The following TBCE variants were observed in gnomAD, a reference collection of about 807,000 sequenced individuals.
The protein encoded by TBCE is tubulin folding cofactor E.
Under a neutral mutation model 77.0 loss-of-function variants are expected in TBCE, and 53 were observed. The observed-to-expected ratio is 0.69, with a 90% confidence interval of 0.55 to 0.87. The LOEUF (loss-of-function observed/expected upper bound fraction) is 0.87. Among genes scored for constraint, TBCE ranks in the 40% least tolerant of loss-of-function variants. The pLI, the probability that TBCE is intolerant of heterozygous loss-of-function variation, is 0.00. For missense variants in TBCE, 624 were observed against 622.4 expected (o/e 1.00, Z -0.03); for synonymous variants, 235 against 241.3 (o/e 0.97, Z 0.24).
rs774044902 is a variant in TBCE, at chr1:235,438,855, T to C, written c.1203T>C (p.Asp401=). 3.7e-6 allele frequency: 6 copies of C among 1,613,902 alleles called. No individual in the cohort carries two copies. The East Asian group carries it at 1.3e-4, about 36-fold the overall frequency. ...GGAAACAGGCTGGTGGACATAAGGA[T>C]CCGGAAAAAAACAGACTCAGCGAAG... ...NEWKQAGGHK[D]PEKNRLSEEF... is the part of the protein sequence containing the mutation. The change falls in exon 13 of 17, where the codon GAT becomes GAC. Residue 401 remains aspartate, a synonymous_variant. Transcript: ENST00000642610.
chr1:235,412,171 TCC>T (rs1558370755), intron 3 of TBCE, among the ~76,000 whole-genome samples: 4 of 278 alleles, frequency 0.014, no homozygotes, highest in South Asian at 0.1. Context: ...CCTTCCCCCC[TCC>T]CCTCCCCTCC....
chr1:235,437,399 G>A lies in TBCE; in HGVS notation c.1041G>A (p.Glu347=), dbSNP rs1481241688. The change falls in exon 12 of 17, where the codon GAG becomes GAA. Residue 347 remains glutamate (E), a synonymous_variant. Transcript: ENST00000642610. ...GCCTAAGAAACCCCCTGACCAAAGA[G>A]GACAAAGAAGCAGAGACGGCGCGAC... is the stretch of plus-strand genomic sequence containing the variant. ...LSCLRNPLTK[E]DKEAETARLL... is the part of the protein sequence containing the mutation. 2.5e-6 allele frequency: 4 copies of A among 1,614,036 alleles called. No homozygotes were observed. The highest frequency in any genetic ancestry group is 3.4e-6 in the Non-Finnish European group (4 of 1,180,052).
chr1:235,443,489 G>A (rs1489096435), intron 15 of TBCE, among the ~76,000 whole-genome samples: 4 of 152,154 alleles, frequency 2.6e-5, no homozygotes, highest in African/African-American at 9.7e-5. Flanking sequence ...ACAGGCATGA[G>A]CCACTGCAGT....
intron 7 of TBCE, 187 bp from the exon 8 acceptor site, chr1:235,434,017 C>G (rs2102919679): frequency 1.6e-6 from 1 of 633,760 alleles, no homozygotes; most frequent in South Asian, 1.8e-5. Flanking sequence ...TTAAAATGCA[C>G]CCCCTTAACA....
chr1:235,440,184 A>T (rs940181206), intron 13 of TBCE, among the ~76,000 whole-genome samples: 1 of 151,710 alleles, frequency 6.6e-6, no homozygotes, highest in Non-Finnish European at 1.5e-5. Flanking sequence ...GTTAGCCAGG[A>T]TGGTCTCGAT....
intron 2 of TBCE, among the ~76,000 whole-genome samples, chr1:235,384,911 G>T (rs948826369): frequency 4.0e-5 from 6 of 151,250 alleles, no homozygotes; most frequent in African/African-American, 1.5e-4. Context: ...TGATGTTAGG[G>T]TGTCAATTTT....
intron 5 of TBCE, among the ~76,000 whole-genome samples, chr1:235,422,793 C>A (rs1196458637): frequency 1.3e-5 from 2 of 152,196 alleles, no homozygotes; most frequent in East Asian, 3.9e-4. Context: ...CGCGCCATTG[C>A]ACTCCAGCCT....
chr1:235,395,695 C>T (rs182025120), intron 2 of TBCE, among the ~76,000 whole-genome samples: 7 of 152,020 alleles, frequency 4.6e-5, no homozygotes, highest in African/African-American at 1.4e-4. Context: ...CAGGTGTGCA[C>T]CACCACACCT....
chr1:235,378,857 T>C (rs1677452449), intron 1 of TBCE, among the ~76,000 whole-genome samples: 2 of 151,916 alleles, frequency 1.3e-5, no homozygotes, highest in South Asian at 4.2e-4. Context: ...CGAGACTCTG[T>C]CTCAAGAAAA....
chr1:235,436,879 G>A (rs1386061557), intron 11 of TBCE, among the ~76,000 whole-genome samples: 1 of 152,086 alleles, frequency 6.6e-6, no homozygotes, highest in African/African-American at 2.4e-5. Context: ...AGCACTTTGG[G>A]AGGTCGAGGC....
intron 2 of TBCE, among the ~76,000 whole-genome samples, chr1:235,384,246 A>G (rs1159497309): frequency 2.3e-5 from 3 of 129,084 alleles, no homozygotes; most frequent in African/African-American, 2.9e-5. Context: ...TTTTGCATCA[A>G]TGTTCATCAA....
At chr1:235,444,010 A>G (rs996373774) in intron 15 of TBCE, among the ~76,000 whole-genome samples, 2 of 152,258 alleles carry the variant, frequency 1.3e-5, no homozygotes, top group African/African-American at 4.8e-5. Context: ...AATTTAGAGC[A>G]GTGAGGATTT....
At chr1:235,428,050 C>T (rs148411445) in intron 6 of TBCE, among the ~76,000 whole-genome samples, 3,730 of 149,422 alleles carry the variant, frequency 0.025, 162 homozygotes, top group African/African-American at 0.087. Context: ...AAGGGCCAGG[C>T]GCAGTGGCTC....
chr1:235,448,839 C>T lies in TBCE; in HGVS notation c.*77C>T, dbSNP rs1269145259. On this transcript the variant is annotated 3_prime_UTR_variant, in exon 17 of 17. Transcript: ENST00000642610. ...ACCGGAAATAAATGATTCACTGGAA[C>T]AATTCTACTGTCAAAACAAAGGGGG... 4 of 1,079,740 alleles carry T rather than the reference C, an allele frequency of 3.7e-6. No individual in the cohort carries two copies. Among genetic ancestry groups the T allele is most frequent in the African/African-American group, 1.6e-5 (1 of 64,464 alleles). The allele number at this position is 1,079,740 out of a possible 1,614,324, so 66.9% of individuals were successfully genotyped here.
intron 5 of TBCE, among the ~76,000 whole-genome samples, chr1:235,421,626 T>C (rs1050735253): frequency 1.7e-4 from 26 of 152,074 alleles, no homozygotes; most frequent in African/African-American, 6.3e-4. Flanking sequence ...GGAGAATTGC[T>C]TGAACCCGGG....
chr1:235,424,508 T>A (rs528980197), intron 5 of TBCE, among the ~76,000 whole-genome samples: 1 of 151,408 alleles, frequency 6.6e-6, no homozygotes, highest in Non-Finnish European at 1.5e-5. Context: ...TTTTGTTTTT[T>A]TTTTTTCTTT....
chr1:235,451,540 A>G lies in TBCE; in HGVS notation c.*2778A>G, dbSNP rs1682901993. On this transcript the variant is annotated 3_prime_UTR_variant, in exon 17 of 17. Transcript: ENST00000642610. The stretch of plus-strand genomic sequence containing the variant: ...CATGAACAACAGTTGTAGAAACAAC[A>G]AACTGCAAAATCAGACCCAGCAAAG... The G allele has an allele frequency of 6.6e-6, 1 of 152,166 alleles. No homozygotes were observed. Among genetic ancestry groups the G allele is most frequent in the African/African-American group, 2.4e-5 (1 of 41,424 alleles). The allele number at this position is 152,166 out of a possible 1,614,324, so 9.4% of individuals were successfully genotyped here.
intron 15 of TBCE, among the ~76,000 whole-genome samples, chr1:235,445,872 T>A (rs1212004043): frequency 1.3e-5 from 2 of 152,154 alleles, no homozygotes; most frequent in African/African-American, 2.4e-5. Context: ...GAATGGTGAA[T>A]AAGCTCTGGT....
Position 235,448,588 on chromosome 1 carries a change from C to A in TBCE, c.1492-82C>A, listed in dbSNP as rs142933516. The stretch of plus-strand genomic sequence containing the variant: ...TTAAGGGTAAGCTACTGCCTGGGGA[C>A]GGGGTGGGGGAAGAGTATGTGTAGC... On this transcript the variant is annotated intron_variant, in intron 16 of 16. Transcript: ENST00000642610. 6 of 1,378,468 alleles carry A rather than the reference C, an allele frequency of 4.4e-6. No individual in the cohort carries two copies. The East Asian group carries it at 6.9e-5, about 16-fold the overall frequency. 85.4% of individuals were successfully genotyped at this position (1,378,468 alleles called of 1,614,324 possible).
Sources: gnomAD v4.1 joint callset for allele counts (sites outside exome capture counted in the v4.1 genomes callset) on GRCh38, gnomAD v4.1.1 for gene constraint, MANE v1.5 for transcripts, NCBI Gene and HGNC (gene_info 2026-07-23, HGNC 2026-07-21) for gene names.